Variants in AKT3 observed in about 807,000 individuals in gnomAD.
The protein encoded by AKT3 is AKT serine/threonine kinase 3, also known as RAC-gamma serine/threonine-protein kinase.
A neutral mutation model predicts 65.3 loss-of-function variants in AKT3; 15 were observed. That is an observed-to-expected ratio of 0.23 (90% CI 0.15 to 0.35). The LOEUF (loss-of-function observed/expected upper bound fraction) is 0.35, where lower values mean the gene tolerates loss of function less well. Among genes scored for constraint, AKT3 ranks in the 10% least tolerant of loss-of-function variants. The pLI, the probability that AKT3 is intolerant of heterozygous loss-of-function variation, is 1.00. For synonymous variants in AKT3, 206 were observed against 183.8 expected, an observed-to-expected ratio of 1.12 and a Z score of -0.98; for missense variants, 243 against 576.5, an observed-to-expected ratio of 0.42 and a Z score of 5.92.
At chr1:243,805,853 T>C (rs1247205585) in intron 2 of AKT3, among the ~76,000 whole-genome samples, 1 of 152,214 alleles carries the variant, frequency 6.6e-6, no homozygotes, top group Non-Finnish European at 1.5e-5. Context: ...ATATGCTTTC[T>C]CTGAAAAATT....
intron 2 of AKT3, among the ~76,000 whole-genome samples, chr1:243,710,580 T>C (rs897336358): frequency 3.3e-5 from 5 of 152,196 alleles, no homozygotes; most frequent in African/African-American, 1.2e-4. Context: ...CAACAACCCT[T>C]GACTCATCAT....
chr1:243,598,616 T>C (rs940487970), intron 8 of AKT3, among the ~76,000 whole-genome samples: 4 of 152,198 alleles, frequency 2.6e-5, no homozygotes, highest in African/African-American at 9.6e-5. Flanking sequence ...TGCAAAAAGA[T>C]GACTGCATCT....
chr1:243,497,824 G>C (rs983268032), downstream of AKT3, among the ~76,000 whole-genome samples: 8 of 152,170 alleles, frequency 5.3e-5, no homozygotes, highest in African/African-American at 1.7e-4. Flanking sequence ...GACTACAGGG[G>C]TGCGCCACCA....
intron 2 of AKT3, among the ~76,000 whole-genome samples, chr1:243,806,696 A>G (rs796526915): frequency 1.3e-5 from 2 of 152,308 alleles, no homozygotes; most frequent in South Asian, 4.1e-4. Context: ...TCTCATTGTT[A>G]GGAGTTCTAA....
chr1:243,499,740 T>C lies in AKT3; in HGVS notation c.*5509A>G. ...AACATGAGCTATTGAAACTTACTTTTTATTATTTTTTCCAGTTACCCAGCA... is the reference window on the plus strand; with the variant it reads ...AACATGAGCTATTGAAACTTACTTTCTATTATTTTTTCCAGTTACCCAGCA... On this transcript the variant is annotated 3_prime_UTR_variant, in exon 14 of 14. Transcript: ENST00000673466. The C allele has an allele frequency of 6.2e-7, 1 of 1,604,760 alleles. No homozygotes were observed. The highest frequency in any genetic ancestry group is 8.5e-7 in the Non-Finnish European group (1 of 1,171,742).
chr1:243,563,630 G>A, intron 10 of AKT3, 90 bp downstream of exon 10: 1 of 1,443,024 alleles, frequency 6.9e-7, no homozygotes. Flanking sequence ...AAAAGTAGTA[G>A]ATACTACAGT....
At chr1:243,531,681 A>T (rs932426526) in intron 12 of AKT3, among the ~76,000 whole-genome samples, 2 of 152,160 alleles carry the variant, frequency 1.3e-5, no homozygotes, top group African/African-American at 2.4e-5. Context: ...TTAAGAAAAA[A>T]CTGCACTGAA....
chr1:243,801,569 T>G (rs1016266177), intron 2 of AKT3, among the ~76,000 whole-genome samples: 1 of 152,136 alleles, frequency 6.6e-6, no homozygotes, highest in African/African-American at 2.4e-5. Flanking sequence ...GAATACTCCC[T>G]AGAGGCCAAT....
chr1:243,695,715 T>C lies in AKT3; in HGVS notation c.48A>G (p.Gly16=), dbSNP rs555221451. The change falls in exon 3 of 14, where the codon GGA becomes GGG. Residue 16 remains glycine, a splice_region_variant and synonymous_variant. Transcript: ENST00000673466. ...TTGGCCTCCAGTTTTTTATATATTC[T>C]CCTACATGAGGAAAGCACGCATGTT... ...IVKEGWVQKR[G]EYIKNWRPRY... is the part of the protein sequence containing the mutation. 2 of 1,588,300 alleles carry C rather than the reference T, an allele frequency of 1.3e-6. No homozygotes were observed. Among genetic ancestry groups the C allele is most frequent in the Non-Finnish European group, 8.5e-7 (1 of 1,170,274 alleles).
chr1:243,708,165 T>TAACC (rs1176720479), intron 2 of AKT3, among the ~76,000 whole-genome samples: 1 of 152,088 alleles, frequency 6.6e-6, no homozygotes, highest in Non-Finnish European at 1.5e-5. Flanking sequence ...TGGCCAGTCA[T>TAACC]GTTAACATTT....
In AKT3 at chr1:243,619,540, T is replaced by C. The variant is rs1320089442; in HGVS notation, c.562-4379A>G. On this transcript the variant is annotated intron_variant, in intron 6 of 13. Coordinates refer to ENST00000673466, the MANE Select transcript of AKT3 (RefSeq NM_005465.7). ...CAGCCTCTAGGAACAACCAATCTAC[T>C]GTCTATCTTGATGCAATCCCGTTTT... Among the ~76,000 whole-genome samples, 2 of 59,038 alleles carry C rather than the reference T, an allele frequency of 3.4e-5. 1 individual carries two copies. Among genetic ancestry groups the C allele is most frequent in the Non-Finnish European group, 1.3e-4 (2 of 15,644 alleles). 38.7% of individuals were successfully genotyped at this position (59,038 alleles called of 152,430 possible).
At chr1:243,714,733 T>C (rs890037335) in intron 2 of AKT3, among the ~76,000 whole-genome samples, 1 of 152,146 alleles carries the variant, frequency 6.6e-6, no homozygotes, top group Non-Finnish European at 1.5e-5. Context: ...TAAACATAAA[T>C]TGACTTATTT....
chr1:243,569,088 T>C (rs1221997436), intron 9 of AKT3, among the ~76,000 whole-genome samples: 1 of 152,168 alleles, frequency 6.6e-6, no homozygotes, highest in African/African-American at 2.4e-5. Context: ...AAACTCAGTT[T>C]TAGGCACCAA....
Position 243,644,066 on chromosome 1 carries a change from T to G in AKT3, c.429+1827A>C, listed in dbSNP as rs7552061. 8.5e-4 allele frequency among the ~76,000 whole-genome samples: 129 copies of G among 152,138 alleles called. 2 individuals are homozygous for G. Among genetic ancestry groups the G allele is most frequent in the African/African-American group, 1.4e-3 (57 of 41,488 alleles). ...ACTATTTTAAATTATTTCAAAAAAG[T>G]TAACAGAACTTCAAACATATAAGAT... On this transcript the variant is annotated intron_variant, in intron 5 of 13. Coordinates refer to ENST00000673466, the MANE Select transcript of AKT3 (RefSeq NM_005465.7).
At chr1:243,627,772 T>G (rs896361627) in intron 6 of AKT3, among the ~76,000 whole-genome samples, 3 of 152,216 alleles carry the variant, frequency 2.0e-5, no homozygotes, top group African/African-American at 7.2e-5. Flanking sequence ...TACATAACCA[T>G]GAAAGTAAAC....
chr1:243,626,445 C>T (rs1377708627), intron 6 of AKT3, among the ~76,000 whole-genome samples: 1 of 152,182 alleles, frequency 6.6e-6, no homozygotes, highest in East Asian at 1.9e-4. Context: ...ACACTCTATG[C>T]ACCCTAATTT....
intron 2 of AKT3, among the ~76,000 whole-genome samples, chr1:243,723,876 A>C (rs1687058858): frequency 6.6e-6 from 1 of 152,140 alleles, no homozygotes. Context: ...GCCATAATGC[A>C]CCAGTGCACT....
downstream of AKT3, among the ~76,000 whole-genome samples, chr1:243,498,589 TCA>T (rs1462366653): frequency 6.6e-6 from 1 of 152,258 alleles, no homozygotes; most frequent in African/African-American, 2.4e-5. Context: ...TCAGGGTCTC[TCA>T]CACACTGGGA....
chr1:243,766,646 T>C (rs1363582541), intron 2 of AKT3, among the ~76,000 whole-genome samples: 1 of 152,104 alleles, frequency 6.6e-6, no homozygotes, highest in Non-Finnish European at 1.5e-5. Context: ...AAAAGACACA[T>C]AAAATATTAT....
Sources: gnomAD v4.1 joint callset for allele counts (sites outside exome capture counted in the v4.1 genomes callset) on GRCh38, gnomAD v4.1.1 for gene constraint, MANE v1.5 for transcripts, NCBI Gene and HGNC (gene_info 2026-07-23, HGNC 2026-07-21) for gene names.